CSMD1: variants seen among roughly 807,000 people sequenced by gnomAD.
CSMD1 encodes CUB and Sushi multiple domains 1, also known as CUB and sushi domain-containing protein 1.
Under a neutral mutation model 417.5 loss-of-function variants are expected in CSMD1, and 213 were observed. The ratio of observed to expected loss-of-function variants is 0.51; its 90% CI spans 0.46 to 0.57. CSMD1 has a LOEUF of 0.57. Among genes scored for constraint, CSMD1 ranks in the 20% least tolerant of loss-of-function variants. The probability of loss-of-function intolerance (pLI) is 0.00; values close to 1 mark genes in which losing one functional copy is unlikely to be tolerated. For synonymous variants in CSMD1, 2,862 were observed against 1,736.8 expected (o/e 1.65, Z -16.11); for missense variants, 6,923 against 4,529.7 (o/e 1.53, Z -15.17).
chr8:4,963,728 CACTCA>C (rs928442331), intron 1 of CSMD1, among the ~76,000 whole-genome samples: 8 of 152,278 alleles, frequency 5.3e-5, no homozygotes, highest in Admixed American at 2.6e-4. Context: ...ACAATTTTAA[CACTCA>C]ACTCAAGTTT....
intron 3 of CSMD1, among the ~76,000 whole-genome samples, chr8:4,332,172 A>G (rs1799903154): frequency 6.6e-6 from 1 of 152,112 alleles, no homozygotes; most frequent in African/African-American, 2.4e-5. Context: ...AGCAAACACA[A>G]CTGTGGACAG....
chr8:4,425,844 T>A (rs1050300016), intron 2 of CSMD1, among the ~76,000 whole-genome samples: 1 of 152,116 alleles, frequency 6.6e-6, no homozygotes, highest in African/African-American at 2.4e-5. Context: ...TATTTTAGTA[T>A]ATGCAACGTT....
At chr8:4,258,594 G>A (rs1026401174) in intron 3 of CSMD1, among the ~76,000 whole-genome samples, 3 of 151,100 alleles carry the variant, frequency 2.0e-5, no homozygotes, top group Admixed American at 1.3e-4. Flanking sequence ...AGGGATGGAG[G>A]GAACCCTTGT....
chr8:3,619,197 AAAC>A (rs1471783084), intron 7 of CSMD1, among the ~76,000 whole-genome samples: 1 of 152,164 alleles, frequency 6.6e-6, no homozygotes, highest in African/African-American at 2.4e-5. Flanking sequence ...AAAAAAATAA[AAAC>A]AAAAATACAG....
intron 25 of CSMD1, among the ~76,000 whole-genome samples, chr8:3,300,492 G>C (rs1804308392): frequency 1.3e-5 from 2 of 152,106 alleles, no homozygotes; most frequent in South Asian, 2.1e-4. Context: ...GCTCAGGCGA[G>C]TGAAATGACT....
intron 2 of CSMD1, among the ~76,000 whole-genome samples, chr8:4,618,895 T>G (rs903998150): frequency 2.0e-5 from 3 of 152,124 alleles, no homozygotes; most frequent in African/African-American, 4.8e-5. Context: ...ATAGACAGAG[T>G]GGGCTCTAGC....
At chr8:4,523,116 A>G (rs1265736121) in intron 2 of CSMD1, among the ~76,000 whole-genome samples, 1 of 152,178 alleles carries the variant, frequency 6.6e-6, no homozygotes, top group Admixed American at 6.5e-5. Context: ...GGCCAAAATA[A>G]TTCTCATTAT....
At chr8:4,058,223 G>C (rs1040775806) in intron 3 of CSMD1, among the ~76,000 whole-genome samples, 1 of 152,014 alleles carries the variant, frequency 6.6e-6, no homozygotes, top group African/African-American at 2.4e-5. Context: ...GCAGTGGTTT[G>C]TAGTTCTCCT....
intron 3 of CSMD1, among the ~76,000 whole-genome samples, chr8:4,036,967 GT>G (rs1797652065): frequency 2.1e-5 from 3 of 145,380 alleles, no homozygotes; most frequent in African/African-American, 5.2e-5. Flanking sequence ...GTGTGTGTGT[GT>G]GTGTGTGTGT....
chr8:3,427,981 T>C (rs937972401), intron 12 of CSMD1, among the ~76,000 whole-genome samples: 1 of 152,212 alleles, frequency 6.6e-6, no homozygotes, highest in African/African-American at 2.4e-5. Flanking sequence ...TTTTAGAAAA[T>C]GGAATTAAGC....
At chr8:3,759,315 G>A (rs1014564786) in intron 5 of CSMD1, among the ~76,000 whole-genome samples, 12 of 152,060 alleles carry the variant, frequency 7.9e-5, no homozygotes, top group African/African-American at 2.4e-4. Context: ...CTGAGGAAAA[G>A]GACAGAAAAC....
chr8:4,019,516 T>G (rs997529495), intron 4 of CSMD1, among the ~76,000 whole-genome samples: 1 of 152,178 alleles, frequency 6.6e-6, no homozygotes, highest in Admixed American at 6.5e-5. Flanking sequence ...TGAAGTTTGG[T>G]GGTTACCCAA....
intron 1 of CSMD1, among the ~76,000 whole-genome samples, chr8:4,982,109 A>T (rs1264537109): frequency 6.6e-6 from 1 of 152,186 alleles, no homozygotes; most frequent in Admixed American, 6.5e-5. Flanking sequence ...GGTGGCAATG[A>T]AGTCCCAGCC....
chr8:3,359,426 T>TAA (rs34858861), intron 20 of CSMD1, 86 bp from the exon 21 acceptor site: 980 of 513,846 alleles, frequency 1.9e-3, no homozygotes, highest in East Asian at 4.0e-3. Context: ...GTGCTATTAC[T>TAA]AAAAAAAAAA....
At chr8:4,239,571 C>T (rs1802270675) in intron 3 of CSMD1, among the ~76,000 whole-genome samples, 1 of 152,124 alleles carries the variant, frequency 6.6e-6, no homozygotes, top group Admixed American at 6.6e-5. Context: ...CCCCATAACC[C>T]TCCAGTAAAT....
intron 5 of CSMD1, among the ~76,000 whole-genome samples, chr8:3,818,343 A>G (rs1022187568): frequency 2.0e-5 from 3 of 152,174 alleles, no homozygotes; most frequent in African/African-American, 7.2e-5. Flanking sequence ...CTCATGTGAG[A>G]GAGCTAAACC....
chr8:4,542,640 T>G (rs371276934), intron 2 of CSMD1, among the ~76,000 whole-genome samples: 7 of 152,210 alleles, frequency 4.6e-5, no homozygotes, highest in Admixed American at 3.3e-4. Flanking sequence ...TGCAAGAGAA[T>G]GGAGATTAAC....
At chr8:2,987,888 C>A (rs1026321615) in intron 54 of CSMD1, among the ~76,000 whole-genome samples, 4 of 152,148 alleles carry the variant, frequency 2.6e-5, no homozygotes, top group African/African-American at 9.7e-5. Context: ...CACATCACTG[C>A]AATTGGTTCA....
intron 3 of CSMD1, among the ~76,000 whole-genome samples, chr8:4,080,498 A>C (rs11778620): frequency 0.078 from 11,918 of 152,292 alleles, 625 homozygotes; most frequent in Middle Eastern, 0.18. Flanking sequence ...CAAATTTCTT[A>C]CTTGCAAAAG....
Sources: allele counts gnomAD v4.1 joint callset (sites outside exome capture counted in the v4.1 genomes callset), GRCh38; gene constraint gnomAD v4.1.1; transcripts MANE v1.5; gene names NCBI Gene and HGNC (gene_info 2026-07-23, HGNC 2026-07-21).